The following PELI2 variants were observed in gnomAD, a reference collection of about 807,000 sequenced individuals.
The protein encoded by PELI2 is E3 ubiquitin-protein ligase pellino homolog 2.
In PELI2, 23 loss-of-function variants were observed where a neutral mutation model predicts 42.3. The ratio of observed to expected loss-of-function variants is 0.54; its 90% confidence interval spans 0.39 to 0.77. PELI2 has a LOEUF of 0.77. PELI2 is among the 30% of genes least tolerant of loss of function. The probability of loss-of-function intolerance (pLI) is 0.00; values close to 1 mark genes in which losing one functional copy is unlikely to be tolerated. For missense variants in PELI2, 463 were observed against 553.2 expected (o/e 0.84, Z 1.64); for synonymous variants, 245 against 212.2 (o/e 1.15, Z -1.34).
chr14:56,213,320 T>A (rs1566640901), intron 2 of PELI2, among the ~76,000 whole-genome samples: 1 of 152,178 alleles, frequency 6.6e-6, no homozygotes, highest in Non-Finnish European at 1.5e-5. Context: ...GCCTCTTACT[T>A]TTTGGGCCCA....
intron 1 of PELI2, among the ~76,000 whole-genome samples, chr14:56,124,561 A>G (rs1883182123): frequency 6.6e-6 from 1 of 152,194 alleles, no homozygotes; most frequent in Admixed American, 6.5e-5. Context: ...TACATGGTTC[A>G]TTTATTTATT....
chr14:56,290,146 A>C, intron 4 of PELI2, 122 bp from the exon 5 acceptor site: 1 of 693,054 alleles, frequency 1.4e-6, no homozygotes, highest in Non-Finnish European at 2.3e-6. Flanking sequence ...TTTAAATAGA[A>C]AATGAAAATT....
intron 1 of PELI2, among the ~76,000 whole-genome samples, chr14:56,147,944 G>C (rs1884192219): frequency 6.6e-6 from 1 of 152,182 alleles, no homozygotes; most frequent in Non-Finnish European, 1.5e-5. Flanking sequence ...ACTGAACCTG[G>C]GAACAGTTCA....
At chr14:56,249,799 TG>T (rs1193837377) in intron 2 of PELI2, among the ~76,000 whole-genome samples, 1 of 152,220 alleles carries the variant, frequency 6.6e-6, no homozygotes, top group Non-Finnish European at 1.5e-5. Context: ...TGTCTCTCAC[TG>T]CTCTGTCCCA....
At chr14:56,137,531 T>G (rs1168411614) in intron 1 of PELI2, among the ~76,000 whole-genome samples, 1 of 152,198 alleles carries the variant, frequency 6.6e-6, no homozygotes, top group Non-Finnish European at 1.5e-5. Context: ...TTAAGTTTGA[T>G]TCTTCTGCTG....
rs1173985005 is a variant in PELI2, at chr14:56,197,977, C to G, written c.207+19513C>G. 1.4e-3 allele frequency among the ~76,000 whole-genome samples: 88 copies of G among 63,806 alleles called. No individual in the cohort carries two copies. The highest frequency in any genetic ancestry group is 3.5e-3 in the African/African-American group (85 of 24,006). 41.9% of individuals were successfully genotyped at this position (63,806 alleles called of 152,430 possible). ...GGATCATGACTGGTGAAGACACACA[C>G]ACACACACACACACACACACACACA... On this transcript the variant is annotated intron_variant, in intron 2 of 5. Transcript: ENST00000267460. This position sits in a 1 kb window ranked among gnomAD's most constrained non-coding sequence, Gnocchi z 4.9.
At chr14:56,208,314 T>C (rs1248233383) in intron 2 of PELI2, among the ~76,000 whole-genome samples, 1 of 152,174 alleles carries the variant, frequency 6.6e-6, no homozygotes, top group African/African-American at 2.4e-5. Context: ...AGATGTCATC[T>C]AAGACCTGAA....
At chr14:56,209,400 A>G (rs1037352814) in intron 2 of PELI2, among the ~76,000 whole-genome samples, 3 of 152,142 alleles carry the variant, frequency 2.0e-5, no homozygotes, top group African/African-American at 2.4e-5. Flanking sequence ...TTTCAACCCA[A>G]TCGATGTGTT....
intron 1 of PELI2, among the ~76,000 whole-genome samples, chr14:56,154,221 T>C (rs1301795159): frequency 6.6e-6 from 1 of 152,220 alleles, no homozygotes; most frequent in Non-Finnish European, 1.5e-5. Context: ...GTTTACATAA[T>C]TTTTTCATTG....
At chr14:56,158,648 C>G (rs556048772) in intron 1 of PELI2, among the ~76,000 whole-genome samples, 3 of 152,204 alleles carry the variant, frequency 2.0e-5, no homozygotes, top group Non-Finnish European at 2.9e-5. Flanking sequence ...AGCCACCACA[C>G]CTGGCCGAGA....
At chr14:56,223,826 T>C (rs1887241411) in intron 2 of PELI2, among the ~76,000 whole-genome samples, 1 of 152,222 alleles carries the variant, frequency 6.6e-6, no homozygotes, top group Admixed American at 6.5e-5. Context: ...TCACTCTAAT[T>C]TCATAAGATT....
intron 2 of PELI2, among the ~76,000 whole-genome samples, chr14:56,195,877 TGTG>T (rs1437717809): frequency 5.9e-5 from 9 of 152,072 alleles, no homozygotes; most frequent in Non-Finnish European, 1.2e-4. Context: ...GATTGGCAGG[TGTG>T]GTTTCAGGCA....
chr14:56,252,290 C>G lies in PELI2; in HGVS notation c.208-27386C>G, dbSNP rs117950784. ...CACTCCTGTTTTAGAGTAATATTTC[C>G]CAAAGCAGAGGTGTTCCTATACCTT... On this transcript the variant is annotated intron_variant, in intron 2 of 5. Transcript: ENST00000267460. Among the ~76,000 whole-genome samples the G allele has an allele frequency of 8.8e-3, 1,339 of 152,242 alleles. 17 individuals carry two copies. The highest frequency in any genetic ancestry group is 0.084 in the East Asian group (433 of 5,184).
At chr14:56,244,765 G>C (rs951269389) in intron 2 of PELI2, among the ~76,000 whole-genome samples, 3 of 152,150 alleles carry the variant, frequency 2.0e-5, no homozygotes, top group Non-Finnish European at 4.4e-5. Flanking sequence ...TTTGGAATAA[G>C]GTATGAAATA....
intron 2 of PELI2, among the ~76,000 whole-genome samples, chr14:56,279,310 T>G (rs1889398462): frequency 6.6e-6 from 1 of 152,182 alleles, no homozygotes; most frequent in Non-Finnish European, 1.5e-5. Flanking sequence ...TTGTGTGAAA[T>G]CTTAAAACTT....
At chr14:56,276,780 TA>T (rs1469442069) in intron 2 of PELI2, among the ~76,000 whole-genome samples, 1 of 152,192 alleles carries the variant, frequency 6.6e-6, no homozygotes, top group African/African-American at 2.4e-5. Flanking sequence ...TTTCCTAACC[TA>T]AAAGCATTCC....
intron 2 of PELI2, among the ~76,000 whole-genome samples, chr14:56,202,853 T>C (rs1316310517): frequency 6.6e-6 from 1 of 152,162 alleles, no homozygotes; most frequent in African/African-American, 2.4e-5. Context: ...CAGATACCTG[T>C]CCTGGTCTAT....
chr14:56,268,519 CATT>C (rs1357483097), intron 2 of PELI2, among the ~76,000 whole-genome samples: 7 of 152,136 alleles, frequency 4.6e-5, no homozygotes, highest in African/African-American at 1.4e-4. Flanking sequence ...GAAATCCTAT[CATT>C]ATTTTAATTT....
chr14:56,158,038 C>A (rs999887398), intron 1 of PELI2, among the ~76,000 whole-genome samples: 1 of 152,092 alleles, frequency 6.6e-6, no homozygotes, highest in East Asian at 1.9e-4. Flanking sequence ...TCTTCTTCTT[C>A]TTATTTTGAG....
Sources: gnomAD v4.1 joint callset for allele counts (sites outside exome capture counted in the v4.1 genomes callset) on GRCh38, gnomAD v4.1.1 for gene constraint, Gnocchi (gnomAD v3.1) non-coding constraint, MANE v1.5 for transcripts, NCBI Gene and HGNC (gene_info 2026-07-23, HGNC 2026-07-21) for gene names.